CD226: variants seen among roughly 807,000 people sequenced by gnomAD.
CD226 encodes the protein CD226 antigen.
Under a neutral mutation model 34.9 loss-of-function variants are expected in CD226, and 24 were observed. The ratio of observed to expected loss-of-function variants is 0.69; its 90% CI spans 0.50 to 0.97. The LOEUF (loss-of-function observed/expected upper bound fraction) is 0.97. Among genes scored for constraint, CD226 ranks in the 50% least tolerant of loss-of-function variants. The pLI is 0.00. For missense variants in CD226, 397 were observed against 412.7 expected (o/e 0.96, Z 0.33); for synonymous variants, 148 against 147.4 (o/e 1.00, Z -0.03).
rs1253556778 is a variant in CD226, at chr18:69,855,427, T to C, written c.*8887A>G. ...AACCCCGAAGGAAGAATGAATGACT[T>C]TGAAGCTAGGCCAATAGAAACTTTT... On this transcript the variant is annotated 3_prime_UTR_variant, in exon 6 of 6. Transcript: ENST00000582621. 2 of 152,168 alleles carry C rather than the reference T, an allele frequency of 1.3e-5. No individual in the cohort carries two copies. Among genetic ancestry groups the C allele is most frequent in the African/African-American group, 4.8e-5 (2 of 41,454 alleles). The allele number at this position is 152,168 out of a possible 1,614,324, so 9.4% of individuals were successfully genotyped here.
intron 2 of CD226, among the ~76,000 whole-genome samples, chr18:69,918,410 T>A (rs1261256939): frequency 1.3e-5 from 2 of 151,806 alleles, no homozygotes; most frequent in East Asian, 3.9e-4. Context: ...AAAATAAAAT[T>A]AGCCAGGTGT....
intron 2 of CD226, among the ~76,000 whole-genome samples, chr18:69,897,264 C>T (rs1985354642): frequency 1.3e-5 from 2 of 152,104 alleles, no homozygotes; most frequent in Admixed American, 6.5e-5. Flanking sequence ...TCCCTGAGGG[C>T]CTTCAGTAAT....
chr18:69,898,207 T>C (rs76186786), intron 2 of CD226, among the ~76,000 whole-genome samples: 530 of 151,766 alleles, frequency 3.5e-3, no homozygotes, highest in Non-Finnish European at 4.7e-3. Flanking sequence ...ATAAAAGAAA[T>C]GAAAAAAAGG....
chr18:69,898,502 T>C (rs1180370209), intron 2 of CD226, among the ~76,000 whole-genome samples: 2 of 152,166 alleles, frequency 1.3e-5, no homozygotes, highest in East Asian at 3.9e-4. Flanking sequence ...GGGAAAATCC[T>C]AGAGGGGATG....
At chr18:69,900,664 G>A (rs12457047) in intron 2 of CD226, among the ~76,000 whole-genome samples, 73,647 of 144,862 alleles carry the variant, frequency 0.51, 20,377 homozygotes, top group Non-Finnish European at 0.6. Context: ...CCCGGGAGGC[G>A]GAGCTTGCAG....
chr18:69,918,455 G>T (rs950603889), intron 2 of CD226, among the ~76,000 whole-genome samples: 1 of 152,208 alleles, frequency 6.6e-6, no homozygotes. Flanking sequence ...CTACTTGGGA[G>T]GCTGAGGCAG....
Position 69,854,413 on chromosome 18 carries a change from C to A in CD226, c.*9901G>T, listed in dbSNP as rs1273543098. 2 of 152,188 alleles carry A rather than the reference C, an allele frequency of 1.3e-5. No homozygotes were observed. Among genetic ancestry groups the A allele is most frequent in the African/African-American group, 4.8e-5 (2 of 41,438 alleles). The allele number at this position is 152,188 out of a possible 1,614,324, so 9.4% of individuals were successfully genotyped here. A position where few individuals can be genotyped will look rare whatever the true frequency, so the allele number is the denominator to read the frequency against. On this transcript the variant is annotated 3_prime_UTR_variant, in exon 6 of 6. Transcript: ENST00000582621. Reference sequence around the variant, plus strand: ...ACCCATGGGGGCTGTGCTCTTGAGGCACTCCACACATTCAAGGGCTTTTCC... The same window carrying A: ...ACCCATGGGGGCTGTGCTCTTGAGGAACTCCACACATTCAAGGGCTTTTCC...
chr18:69,957,931 C>T (rs1222028589), upstream of CD226, among the ~76,000 whole-genome samples: 1 of 152,170 alleles, frequency 6.6e-6, no homozygotes, highest in Admixed American at 6.5e-5. Flanking sequence ...AGTGTTATGT[C>T]TTATAAGTCT....
At chr18:69,926,347 T>C (rs2055521693) in intron 2 of CD226, among the ~76,000 whole-genome samples, 1 of 152,102 alleles carries the variant, frequency 6.6e-6, no homozygotes, top group South Asian at 2.1e-4. Context: ...TTTCTTTGGC[T>C]AACTCCTACT....
intron 2 of CD226, among the ~76,000 whole-genome samples, chr18:69,902,533 T>C (rs1333214973): frequency 6.6e-6 from 1 of 151,154 alleles, no homozygotes; most frequent in East Asian, 2.0e-4. Flanking sequence ...CTCTGCTATC[T>C]CCTTCATGCT....
At chr18:69,936,397 A>G (rs960323721) in intron 2 of CD226, among the ~76,000 whole-genome samples, 3 of 152,094 alleles carry the variant, frequency 2.0e-5, no homozygotes, top group South Asian at 2.1e-4. Context: ...TCAGTTTCCC[A>G]TTTACTTCAC....
chr18:69,957,130 C>T (rs1230157804), upstream of CD226: 1 of 152,156 alleles, frequency 6.6e-6, no homozygotes, highest in Non-Finnish European at 1.5e-5. Flanking sequence ...CCCTCTTTTC[C>T]CCCAAAGAAT....
intron 1 of CD226, among the ~76,000 whole-genome samples, chr18:69,954,235 C>G (rs551051755): frequency 6.6e-6 from 1 of 152,212 alleles, no homozygotes; most frequent in African/African-American, 2.4e-5. Context: ...TCTAAGAATA[C>G]AGTACATTAG....
At chr18:69,876,758 C>A (rs1329237654) in intron 3 of CD226, among the ~76,000 whole-genome samples, 1 of 152,104 alleles carries the variant, frequency 6.6e-6, no homozygotes, top group African/African-American at 2.4e-5. Context: ...AGTATCAGAT[C>A]CCACAGGCTG....
intron 4 of CD226, among the ~76,000 whole-genome samples, chr18:69,869,379 T>C (rs988999684): frequency 1.3e-5 from 2 of 152,154 alleles, no homozygotes; most frequent in Non-Finnish European, 2.9e-5. Flanking sequence ...TGGAGGCCAT[T>C]ATCCTTAGCA....
chr18:69,868,569 T>C (rs1847865289), intron 4 of CD226, among the ~76,000 whole-genome samples: 1 of 152,228 alleles, frequency 6.6e-6, no homozygotes, highest in Admixed American at 6.5e-5. Flanking sequence ...AAATTTACTA[T>C]ACACAAGGCA....
At chr18:69,959,132 C>T (rs1020196100), upstream of CD226, among the ~76,000 whole-genome samples, 1 of 152,168 alleles carries the variant, frequency 6.6e-6, no homozygotes, top group Non-Finnish European at 1.5e-5. Flanking sequence ...ACTCAGCAAA[C>T]AGGGGAAATG....
Position 69,917,969 on chromosome 18 carries a change from G to T in CD226, c.383-21924C>A, listed in dbSNP as rs1296940442. Among the ~76,000 whole-genome samples, 7 of 152,114 alleles carry T rather than the reference G, an allele frequency of 4.6e-5. 1 individual carries two copies. The highest frequency in any genetic ancestry group is 4.6e-4 in the Admixed American group (7 of 15,274). ...GCTCTAAAACCTTGAAAACAAGTCAGCTGCCCACTGAACCCACCTACCCAA... is the reference window on the plus strand; with the variant it reads ...GCTCTAAAACCTTGAAAACAAGTCATCTGCCCACTGAACCCACCTACCCAA... On this transcript the variant is annotated intron_variant, in intron 2 of 5. Coordinates refer to ENST00000582621, the MANE Select transcript of CD226 (RefSeq NM_001303618.2).
chr18:69,900,656 C>CCA (rs2055167668), intron 2 of CD226, among the ~76,000 whole-genome samples: 1 of 146,442 alleles, frequency 6.8e-6, no homozygotes, highest in South Asian at 2.2e-4. Flanking sequence ...GGCGTGAACC[C>CCA]GGGAGGCGGA....
Sources: allele counts gnomAD v4.1 joint callset (sites outside exome capture counted in the v4.1 genomes callset), GRCh38; gene constraint gnomAD v4.1.1; transcripts MANE v1.5; gene names NCBI Gene and HGNC (gene_info 2026-07-23, HGNC 2026-07-21).